The following DLG2 variants were observed in gnomAD, a reference collection of about 807,000 sequenced individuals.
DLG2 encodes disks large homolog 2.
A neutral mutation model predicts 132.5 loss-of-function variants in DLG2; 45 were observed. That is an observed-to-expected ratio of 0.34 (90% CI 0.27 to 0.44). The LOEUF is 0.44. Ranked by LOEUF, DLG2 falls within the 20% of genes least tolerant of loss-of-function variation. The pLI is 1.00. For missense variants in DLG2, 1,045 were observed against 1,196.9 expected (o/e 0.87, Z 1.87); for synonymous variants, 424 against 419.6 (o/e 1.01, Z -0.13).
At chr11:85,125,245 G>T (rs2074946970) in intron 5 of DLG2, among the ~76,000 whole-genome samples, 1 of 152,054 alleles carries the variant, frequency 6.6e-6, no homozygotes. Flanking sequence ...TCTTATAAAG[G>T]ACAATACTCT....
At chr11:85,075,475 TATA>T (rs1460025820) in intron 6 of DLG2, among the ~76,000 whole-genome samples, 1 of 151,920 alleles carries the variant, frequency 6.6e-6, no homozygotes, top group Non-Finnish European at 1.5e-5. Context: ...TTCAGTCACA[TATA>T]ATGTGGTAAA....
chr11:84,860,914 T>A lies in DLG2; in HGVS notation c.357+250747A>T, dbSNP rs567993683. ...TAAATACTAAGAATGAAAAAAAAAA[T>A]AAGCTTTGAGTTAGAAAGAACATGC... On this transcript the variant is annotated intron_variant, in intron 6 of 27. Transcript: ENST00000376104. Among the ~76,000 whole-genome samples the A allele has an allele frequency of 2.4e-3, 366 of 150,744 alleles. 5 individuals are homozygous for A. The highest frequency in any genetic ancestry group is 2.4e-4 in the Non-Finnish European group (16 of 67,620).
At chr11:84,292,984 G>A (rs1010207636) in intron 7 of DLG2, among the ~76,000 whole-genome samples, 1 of 152,142 alleles carries the variant, frequency 6.6e-6, no homozygotes, top group Non-Finnish European at 1.5e-5. Context: ...TGGGCAGACA[G>A]GCTGTAGGTT....
chr11:84,003,773 A>T (rs2094459460), intron 11 of DLG2, among the ~76,000 whole-genome samples: 1 of 152,148 alleles, frequency 6.6e-6, no homozygotes, highest in Non-Finnish European at 1.5e-5. Context: ...AACCATATTA[A>T]TTCCACAGAA....
chr11:83,647,671 G>T (rs903009807), intron 18 of DLG2: 1 of 152,100 alleles, frequency 6.6e-6, no homozygotes, highest in Non-Finnish European at 1.5e-5. Context: ...AGCTTCCAAA[G>T]TTTTGTTCAT....
intron 19 of DLG2, among the ~76,000 whole-genome samples, chr11:83,622,252 T>G (rs1432720317): frequency 6.6e-6 from 1 of 152,174 alleles, no homozygotes; most frequent in African/African-American, 2.4e-5. Context: ...TGAACAAGAA[T>G]TGAGCATTTT....
chr11:84,775,622 A>G (rs1238159055), intron 6 of DLG2, among the ~76,000 whole-genome samples: 1 of 152,156 alleles, frequency 6.6e-6, no homozygotes, highest in African/African-American at 2.4e-5. Flanking sequence ...TTGCAGCAAC[A>G]TGGATGCAGC....
intron 19 of DLG2, among the ~76,000 whole-genome samples, chr11:83,579,794 C>A (rs945964921): frequency 6.6e-6 from 1 of 151,792 alleles, no homozygotes; most frequent in African/African-American, 2.4e-5. Context: ...CAAGGTGAAA[C>A]CCCGTCTCCA....
intron 7 of DLG2, among the ~76,000 whole-genome samples, chr11:84,407,847 T>C (rs1008874732): frequency 5.9e-5 from 9 of 152,208 alleles, no homozygotes; most frequent in Non-Finnish European, 1.0e-4. Flanking sequence ...AGAACTGTCC[T>C]TTCCCCATAT....
intron 16 of DLG2, among the ~76,000 whole-genome samples, chr11:83,853,135 A>C (rs971806703): frequency 6.6e-6 from 1 of 152,132 alleles, no homozygotes; most frequent in African/African-American, 2.4e-5. Flanking sequence ...AATTCCAATC[A>C]CATAAAATCC....
intron 17 of DLG2, among the ~76,000 whole-genome samples, chr11:83,787,291 G>A (rs1452997219): frequency 2.0e-5 from 3 of 149,426 alleles, no homozygotes; most frequent in African/African-American, 7.4e-5. Flanking sequence ...TCCTGAGCCT[G>A]GTTAGACAGC....
intron 4 of DLG2, among the ~76,000 whole-genome samples, chr11:85,161,204 A>T (rs1045374714): frequency 6.6e-6 from 1 of 152,320 alleles, no homozygotes; most frequent in African/African-American, 2.4e-5. Context: ...AATTAAGTGG[A>T]TAGGATGACC....
At chr11:85,062,376 A>T (rs2064246279) in intron 6 of DLG2, among the ~76,000 whole-genome samples, 2 of 151,962 alleles carry the variant, frequency 1.3e-5, no homozygotes, top group African/African-American at 4.8e-5. Context: ...GATAGACTTT[A>T]AACACTTATC....
intron 6 of DLG2, among the ~76,000 whole-genome samples, chr11:84,636,182 G>A (rs573552042): frequency 6.6e-6 from 1 of 152,154 alleles, no homozygotes; most frequent in Admixed American, 6.5e-5. Flanking sequence ...AGTCACAGAA[G>A]TATGTATATG....
At chr11:85,260,402 A>G (rs2076881560) in intron 4 of DLG2, among the ~76,000 whole-genome samples, 1 of 152,192 alleles carries the variant, frequency 6.6e-6, no homozygotes, top group African/African-American at 2.4e-5. Context: ...GCCTATGTCA[A>G]TCTTCCTTTA....
At chr11:83,780,178 G>T (rs2094755910) in intron 18 of DLG2, among the ~76,000 whole-genome samples, 2 of 152,208 alleles carry the variant, frequency 1.3e-5, no homozygotes, top group Non-Finnish European at 2.9e-5. Context: ...GTCTTGCATT[G>T]TAAGTATGCT....
At chr11:83,965,607 T>A in intron 12 of DLG2, 139 bp from the exon 13 acceptor site, 1 of 683,968 alleles carries the variant, frequency 1.5e-6, no homozygotes, top group Non-Finnish European at 2.4e-6. Flanking sequence ...ATTAAATGCA[T>A]TAGTCAAAGC....
intron 5 of DLG2, among the ~76,000 whole-genome samples, chr11:85,131,487 C>A (rs76428200): frequency 0.019 from 2,952 of 152,148 alleles, 52 homozygotes; most frequent in Admixed American, 0.041. Context: ...TAAGGACATA[C>A]AATTTCCTAC....
chr11:84,856,357 GAGA>G (rs1175854373), intron 6 of DLG2, among the ~76,000 whole-genome samples: 2 of 152,070 alleles, frequency 1.3e-5, no homozygotes, highest in Non-Finnish European at 2.9e-5. Flanking sequence ...TAGCATGGAA[GAGA>G]AGGAGATATC....
Sources: allele counts gnomAD v4.1 joint callset (sites outside exome capture counted in the v4.1 genomes callset), GRCh38; gene constraint gnomAD v4.1.1; transcripts MANE v1.5; gene names NCBI Gene and HGNC (gene_info 2026-07-23, HGNC 2026-07-21).